MTERF3: variants seen among roughly 807,000 people sequenced by gnomAD.
MTERF3 encodes the protein mitochondrial transcription termination factor 3.
Under a neutral mutation model 40.5 loss-of-function variants are expected in MTERF3, and 40 were observed. That is an observed-to-expected ratio of 0.99 (90% CI 0.77 to 1.29). The LOEUF (loss-of-function observed/expected upper bound fraction) is 1.29, where lower values mean the gene tolerates loss of function less well. Ranked by LOEUF, MTERF3 falls within the 50% of genes most tolerant of loss-of-function variation. MTERF3 has a pLI of 0.00. For synonymous variants in MTERF3, 158 were observed against 166.6 expected (o/e 0.95, Z 0.40); for missense variants, 452 against 478.2 (o/e 0.95, Z 0.51).
chr8:96,249,619 A>G (rs754972204), intron 4 of MTERF3, among the ~76,000 whole-genome samples: 4 of 152,184 alleles, frequency 2.6e-5, no homozygotes, highest in African/African-American at 9.7e-5. Context: ...AAGACATTAG[A>G]CTGATGGTTT....
chr8:96,251,055 T>A lies in MTERF3; in HGVS notation c.528A>T (p.Ala176=). 6.3e-7 allele frequency: 1 copy of A among 1,593,362 alleles called. No homozygotes were observed. The highest frequency in any genetic ancestry group is 8.5e-7 in the Non-Finnish European group (1 of 1,175,180). Residue 176 remains alanine, a synonymous_variant, in exon 4 of 8, where the codon GCA becomes GCT. Coordinates refer to ENST00000287025, the MANE Select transcript of MTERF3 (RefSeq NM_015942.5). ...LSKIEKHPEA[A]NLLLRLDFEK... ...CAAAATCCAGTCTCAGAAGGAGGTT[T>A]GCTGCTTCTGGATGTTTTTCTATCT...
Position 96,252,553 on chromosome 8 carries a change from C to T in MTERF3, c.488-1458G>A, listed in dbSNP as rs142495930. On this transcript the variant is annotated intron_variant, in intron 3 of 7. Coordinates refer to ENST00000287025, the MANE Select transcript of MTERF3 (RefSeq NM_015942.5). The stretch of plus-strand genomic sequence containing the variant: ...TACCTTTGAGAAGTGGAACTGGGGA[C>T]GAAGAGAGGGTAAGAGGTCCTTCTC... 2.5e-3 allele frequency among the ~76,000 whole-genome samples: 379 copies of T among 152,208 alleles called. 3 individuals are homozygous for T. The highest frequency in any genetic ancestry group is 8.1e-3 in the African/African-American group (338 of 41,536).
chr8:96,243,299 T>C (rs1300852911), intron 7 of MTERF3, among the ~76,000 whole-genome samples: 1 of 152,256 alleles, frequency 6.6e-6, no homozygotes, highest in Non-Finnish European at 1.5e-5. Flanking sequence ...AGGATTACTT[T>C]GATAAAATCC....
intron 3 of MTERF3, among the ~76,000 whole-genome samples, chr8:96,253,907 C>T (rs1398535449): frequency 2.6e-5 from 4 of 151,654 alleles, no homozygotes; most frequent in African/African-American, 9.7e-5. Flanking sequence ...ACTTGCGGGG[C>T]TGAGGTGGGA....
chr8:96,249,316 C>T (rs1023071805), intron 4 of MTERF3, among the ~76,000 whole-genome samples: 5 of 152,148 alleles, frequency 3.3e-5, no homozygotes, highest in Non-Finnish European at 5.9e-5. Flanking sequence ...TCCCTACCCT[C>T]CTGGTATTCA....
chr8:96,248,147 C>CT (rs1357283444), intron 4 of MTERF3, among the ~76,000 whole-genome samples: 2 of 152,204 alleles, frequency 1.3e-5, no homozygotes, highest in Non-Finnish European at 2.9e-5. Flanking sequence ...AAAACAACCC[C>CT]TATGAAGGAC....
intron 6 of MTERF3, among the ~76,000 whole-genome samples, chr8:96,244,510 C>T (rs1391127722): frequency 1.3e-5 from 2 of 152,050 alleles, no homozygotes; most frequent in African/African-American, 4.8e-5. Flanking sequence ...AAGTGATTCT[C>T]CTGCCTCAGC....
intron 7 of MTERF3, 162 bp from the exon 8 acceptor site, chr8:96,239,847 G>A: frequency 2.8e-6 from 2 of 706,234 alleles, no homozygotes; most frequent in Non-Finnish European, 5.1e-6. Flanking sequence ...TATATTTTCT[G>A]TGAAGAAACT....
intron 1 of MTERF3, chr8:96,260,284 A>C (rs2129959326): frequency 6.6e-6 from 1 of 152,336 alleles, no homozygotes; most frequent in African/African-American, 2.4e-5. Flanking sequence ...TTGGTGGGAA[A>C]TGGGACTCCA....
At chr8:96,242,529 G>T (rs1230673967) in intron 7 of MTERF3, among the ~76,000 whole-genome samples, 1 of 152,154 alleles carries the variant, frequency 6.6e-6, no homozygotes, top group Non-Finnish European at 1.5e-5. Flanking sequence ...ACCTTGGACA[G>T]GTTACTTAAA....
At chr8:96,247,668 A>G (rs1395799712) in intron 4 of MTERF3, among the ~76,000 whole-genome samples, 1 of 152,162 alleles carries the variant, frequency 6.6e-6, no homozygotes, top group African/African-American at 2.4e-5. Flanking sequence ...ACCAAAACTT[A>G]TATTACTTTA....
At chr8:96,259,710 T>G (rs1356106187) in intron 1 of MTERF3, among the ~76,000 whole-genome samples, 1 of 152,206 alleles carries the variant, frequency 6.6e-6, no homozygotes, top group Non-Finnish European at 1.5e-5. Context: ...AAAATTCTGC[T>G]GAATTAATTG....
intron 4 of MTERF3, among the ~76,000 whole-genome samples, chr8:96,246,973 CTTCTA>C (rs576702759): frequency 5.1e-4 from 78 of 152,068 alleles, no homozygotes; most frequent in Non-Finnish European, 9.6e-4. Flanking sequence ...CCCCTCCCCT[CTTCTA>C]TTCTTTTCTT....
intron 4 of MTERF3, among the ~76,000 whole-genome samples, chr8:96,248,340 G>C (rs942905820): frequency 3.9e-5 from 6 of 152,170 alleles, no homozygotes; most frequent in African/African-American, 1.2e-4. Flanking sequence ...TTATCAATAG[G>C]TACTAGCGAG....
At chr8:96,257,135 T>C in intron 2 of MTERF3, 21 bp from the exon 3 acceptor site, 1 of 1,607,512 alleles carries the variant, frequency 6.2e-7, no homozygotes, top group Non-Finnish European at 8.5e-7. Flanking sequence ...GAGAAACAAA[T>C]TAGTGCTCTA....
intron 3 of MTERF3, among the ~76,000 whole-genome samples, chr8:96,255,287 G>A (rs1032951555): frequency 6.6e-6 from 1 of 152,150 alleles, no homozygotes; most frequent in African/African-American, 2.4e-5. Context: ...AGAGAGGGTA[G>A]AATCCATAGG....
chr8:96,242,482 C>G (rs1257636969), intron 7 of MTERF3, among the ~76,000 whole-genome samples: 1 of 152,210 alleles, frequency 6.6e-6, no homozygotes, highest in Admixed American at 6.5e-5. Context: ...TGTTGGAGTT[C>G]TAATCGTGGT....
chr8:96,241,338 A>G (rs1459593796), intron 7 of MTERF3, among the ~76,000 whole-genome samples: 1 of 151,402 alleles, frequency 6.6e-6, no homozygotes, highest in Admixed American at 6.6e-5. Context: ...TGAACCCGGG[A>G]GGCGGCGGTT....
chr8:96,250,871 C>T, intron 4 of MTERF3, 35 bp downstream of exon 4: 1 of 1,553,776 alleles, frequency 6.4e-7, no homozygotes, highest in Non-Finnish European at 8.7e-7. Flanking sequence ...ATAACCACTT[C>T]TTAGGTTATA....
Sources: allele counts gnomAD v4.1 joint callset (sites outside exome capture counted in the v4.1 genomes callset), GRCh38; gene constraint gnomAD v4.1.1; transcripts MANE v1.5; gene names NCBI Gene and HGNC (gene_info 2026-07-23, HGNC 2026-07-21).